The following ARHGAP21 variants were observed in gnomAD, a reference collection of about 807,000 sequenced individuals.
ARHGAP21 encodes the protein rho GTPase-activating protein 21.
ARHGAP21 carries 38 observed loss-of-function variants against 164.6 expected under a neutral mutation model. That is an observed-to-expected ratio of 0.23 (90% confidence interval 0.18 to 0.30). The LOEUF is 0.30. Ranked by LOEUF, ARHGAP21 falls within the 10% of genes least tolerant of loss-of-function variation. The pLI is 1.00. For synonymous variants in ARHGAP21, 766 were observed against 857.9 expected, an observed-to-expected ratio of 0.89 and a Z score of 1.87; for missense variants, 1,822 against 2,370.7, an observed-to-expected ratio of 0.77 and a Z score of 4.81.
At chr10:24,598,554 AT>A (rs1392448987) in intron 14 of ARHGAP21, among the ~76,000 whole-genome samples, 2 of 151,678 alleles carry the variant, frequency 1.3e-5, no homozygotes, top group East Asian at 1.9e-4. Context: ...AATTTGCATG[AT>A]TTTTTTTTAA....
chr10:24,652,639 A>G (rs1007759240), intron 4 of ARHGAP21, among the ~76,000 whole-genome samples: 19 of 152,224 alleles, frequency 1.2e-4, no homozygotes, highest in African/African-American at 4.3e-4. Context: ...TAAAAAAAGA[A>G]CTGACAGGTA....
intron 23 of ARHGAP21, 46 bp downstream of exon 23, chr10:24,591,596 T>A (rs753188643): frequency 6.2e-7 from 1 of 1,602,564 alleles, no homozygotes; most frequent in Non-Finnish European, 8.5e-7. Flanking sequence ...GGATCTTGTG[T>A]CCCAAATGAA....
intron 21 of ARHGAP21, among the ~76,000 whole-genome samples, chr10:24,593,468 CATTA>C: frequency 6.6e-6 from 1 of 152,188 alleles, no homozygotes; most frequent in Middle Eastern, 3.4e-3. Context: ...TGATAACAAA[CATTA>C]ATATTTATAT....
Position 24,670,197 on chromosome 10 carries a change from TGCG to T in ARHGAP21, c.243+18_243+20del. On this transcript the variant is annotated intron_variant, in intron 3 of 25. Coordinates refer to ENST00000396432, the MANE Select transcript of ARHGAP21 (RefSeq NM_020824.4). ...TGGCCTTGTGGTTTTTTTTTCAAGT[TGCG>T]GTAACTATTTCTCTTACCTTATATG... 6.6e-7 allele frequency: 1 copy of T among 1,514,796 alleles called. No homozygotes were observed. The highest frequency in any genetic ancestry group is 8.9e-7 in the Non-Finnish European group (1 of 1,124,820). 93.8% of individuals were successfully genotyped at this position (1,514,796 alleles called of 1,614,324 possible).
At chr10:24,601,531 A>G (rs1438991863) in intron 13 of ARHGAP21, among the ~76,000 whole-genome samples, 1 of 152,148 alleles carries the variant, frequency 6.6e-6, no homozygotes, top group East Asian at 1.9e-4. Context: ...GCATATATTG[A>G]TATTTTTATA....
chr10:24,653,587 TA>T (rs895265446), intron 4 of ARHGAP21, among the ~76,000 whole-genome samples: 1 of 150,004 alleles, frequency 6.7e-6, no homozygotes, highest in Non-Finnish European at 1.5e-5. Context: ...AAAAAAAAAT[TA>T]AAAAAAAAGA....
chr10:24,618,026 C>T (rs1243113561), intron 9 of ARHGAP21, among the ~76,000 whole-genome samples: 1 of 131,880 alleles, frequency 7.6e-6, no homozygotes, highest in Non-Finnish European at 1.7e-5. Context: ...CTGAATGAGG[C>T]AAACCTAGAG....
intron 4 of ARHGAP21, chr10:24,648,841 C>T (rs1837872005): frequency 1.0e-6 from 1 of 985,228 alleles, no homozygotes; most frequent in Non-Finnish European, 1.2e-6. Context: ...CATCACAGCC[C>T]CTTTATATCT....
chr10:24,717,707 G>C (rs1429911967), intron 2 of ARHGAP21, among the ~76,000 whole-genome samples: 1 of 152,114 alleles, frequency 6.6e-6, no homozygotes, highest in Non-Finnish European at 1.5e-5. Flanking sequence ...CTTCACAGAG[G>C]TCTGAATTTT....
At chr10:24,589,163 GCT>G (rs2076229634) in intron 25 of ARHGAP21, 106 bp downstream of exon 25, 3 of 923,762 alleles carry the variant, frequency 3.2e-6, no homozygotes, top group South Asian at 1.4e-5. Flanking sequence ...ATACTTTGTT[GCT>G]CTGTCTCATT....
chr10:24,652,610 A>T (rs1299060210), intron 4 of ARHGAP21, among the ~76,000 whole-genome samples: 1 of 152,232 alleles, frequency 6.6e-6, no homozygotes, highest in Non-Finnish European at 1.5e-5. Flanking sequence ...ATATTTAAAG[A>T]ATGCCTACAA....
chr10:24,633,507 G>A (rs762013262), intron 5 of ARHGAP21, 27 bp from the exon 6 acceptor site: 4 of 1,520,604 alleles, frequency 2.6e-6, no homozygotes, highest in Non-Finnish European at 3.6e-6. Flanking sequence ...AAAAACAAAT[G>A]AGAGATCCTG....
intron 4 of ARHGAP21, among the ~76,000 whole-genome samples, chr10:24,662,689 G>C (rs565014952): frequency 6.6e-6 from 1 of 152,132 alleles, no homozygotes; most frequent in Non-Finnish European, 1.5e-5. Context: ...GAAAACTACA[G>C]ATCTTCTGGA....
chr10:24,687,990 A>C (rs796219543), intron 2 of ARHGAP21, among the ~76,000 whole-genome samples: 20 of 152,378 alleles, frequency 1.3e-4, no homozygotes, highest in South Asian at 4.1e-4. Context: ...CAGTAATACT[A>C]TATCAGCAAC....
At chr10:24,636,751 G>T (rs1836428879) in intron 4 of ARHGAP21, among the ~76,000 whole-genome samples, 1 of 152,176 alleles carries the variant, frequency 6.6e-6, no homozygotes, top group Admixed American at 6.5e-5. Context: ...AAAGGCAATG[G>T]GGCATAGTAG....
At chr10:24,586,777 G>A (rs1021422520) in intron 25 of ARHGAP21, among the ~76,000 whole-genome samples, 3 of 152,200 alleles carry the variant, frequency 2.0e-5, no homozygotes, top group Admixed American at 2.0e-4. Context: ...GCCAGGTGTG[G>A]TGGCTCATGC....
chr10:24,587,855 G>C (rs1290776599), intron 25 of ARHGAP21, among the ~76,000 whole-genome samples: 58 of 152,314 alleles, frequency 3.8e-4, no homozygotes, highest in Admixed American at 2.3e-3. Flanking sequence ...GAGACTGTTT[G>C]TTAGAAGTAG....
chr10:24,680,198 A>G (rs192520561), intron 2 of ARHGAP21, among the ~76,000 whole-genome samples: 125 of 152,280 alleles, frequency 8.2e-4, no homozygotes, highest in African/African-American at 3.0e-3. Context: ...TATTTTCTCT[A>G]TGTTAAATTG....
At chr10:24,703,003 TTA>T (rs1843846000) in intron 2 of ARHGAP21, among the ~76,000 whole-genome samples, 2 of 152,270 alleles carry the variant, frequency 1.3e-5, no homozygotes, top group South Asian at 4.1e-4. Context: ...AATACATAGT[TTA>T]TATTATAGTG....
Sources: allele counts gnomAD v4.1 joint callset (sites outside exome capture counted in the v4.1 genomes callset), GRCh38; gene constraint gnomAD v4.1.1; transcripts MANE v1.5; gene names NCBI Gene and HGNC (gene_info 2026-07-23, HGNC 2026-07-21).